The following CLASP1 variants were observed in gnomAD, a reference collection of about 807,000 sequenced individuals.
CLASP1 encodes the protein cytoplasmic linker associated protein 1, also known as CLIP-associating protein 1.
CLASP1 carries 38 observed loss-of-function variants against 192.3 expected under a neutral mutation model. The observed-to-expected ratio is 0.20, with a 90% CI of 0.15 to 0.26. CLASP1 has a LOEUF of 0.26. Among genes scored for constraint, CLASP1 ranks in the 10% least tolerant of loss-of-function variants. CLASP1 has a pLI of 1.00. For synonymous variants in CLASP1, 691 were observed against 712.8 expected, an observed-to-expected ratio of 0.97 and a Z score of 0.49; for missense variants, 1,433 against 1,932.5, an observed-to-expected ratio of 0.74 and a Z score of 4.85.
At chr2:121,502,365 C>G (rs2093782544) in intron 8 of CLASP1, among the ~76,000 whole-genome samples, 2 of 152,164 alleles carry the variant, frequency 1.3e-5, no homozygotes, top group Non-Finnish European at 2.9e-5. Flanking sequence ...AAAACTCAAA[C>G]AGGGTGAGGG....
At chr2:121,407,372 T>A in intron 25 of CLASP1, 99 bp downstream of exon 26, 1 of 1,327,966 alleles carries the variant, frequency 7.5e-7, no homozygotes, top group Non-Finnish European at 1.0e-6. Flanking sequence ...CCATTAATTA[T>A]AGGAATTAGA....
chr2:121,338,791 C>G (rs540847537), exon 40 of CLASP1: 1 of 152,280 alleles, frequency 6.6e-6, no homozygotes, highest in South Asian at 2.1e-4. Flanking sequence ...ACACTGGGGA[C>G]TGGGGTACCT....
chr2:121,608,099 C>T (rs1001844921), intron 1 of CLASP1, among the ~76,000 whole-genome samples: 1 of 152,226 alleles, frequency 6.6e-6, no homozygotes, highest in Admixed American at 6.5e-5. Context: ...CCCTCCTTCA[C>T]AACAAAGAGC....
intron 9 of CLASP1, among the ~76,000 whole-genome samples, chr2:121,468,589 T>C (rs927743851): frequency 2.0e-5 from 3 of 152,194 alleles, no homozygotes; most frequent in Non-Finnish European, 4.4e-5. Context: ...CTGGTGTTGA[T>C]GTACAGGAAT....
intron 2 of CLASP1, chr2:121,531,053 T>A (rs1004171347): frequency 5.7e-6 from 4 of 697,630 alleles, no homozygotes. Context: ...CAGCAGTAAT[T>A]CGTAAATAAA....
chr2:121,591,113 G>T (rs775362523), intron 2 of CLASP1, among the ~76,000 whole-genome samples: 1 of 152,030 alleles, frequency 6.6e-6, no homozygotes, highest in Non-Finnish European at 1.5e-5. Context: ...TGATCCGCCC[G>T]CTTCGGCCTC....
exon 9 of CLASP1, chr2:121,469,914 G>C: frequency 6.2e-7 from 1 of 1,613,570 alleles, no homozygotes; most frequent in Non-Finnish European, 8.5e-7. Flanking sequence ...AACTAGCAGA[G>C]GAAGGTCTGT....
chr2:121,483,485 T>C (rs1450352701), intron 8 of CLASP1, among the ~76,000 whole-genome samples: 2 of 151,786 alleles, frequency 1.3e-5, no homozygotes. Flanking sequence ...TATGTATGTA[T>C]ATATATATGT....
At chr2:121,555,096 A>T (rs573675178) in intron 2 of CLASP1, among the ~76,000 whole-genome samples, 1 of 152,354 alleles carries the variant, frequency 6.6e-6, no homozygotes, top group African/African-American at 2.4e-5. Context: ...GTGCAGACCC[A>T]GAGTCCTAAT....
chr2:121,448,998 A>C (rs758386970), exon 17 of CLASP1: 20 of 1,613,854 alleles, frequency 1.2e-5, no homozygotes, highest in Non-Finnish European at 1.7e-5. Context: ...TGACTGAGGC[A>C]GAGACACTAT....
chr2:121,377,390 A>C, intron 34 of CLASP1, 109 bp downstream of exon 35: 1 of 758,918 alleles, frequency 1.3e-6, no homozygotes, highest in South Asian at 2.1e-5. Context: ...TTTTAACTAC[A>C]GGATAAAAAT....
intron 8 of CLASP1, chr2:121,470,574 C>T (rs2090529940): frequency 2.4e-6 from 1 of 420,638 alleles, no homozygotes; most frequent in African/African-American, 2.1e-5. Flanking sequence ...AAGTGAAACA[C>T]TCTTATTGTT....
At chr2:121,373,311 C>A (rs201345406) in intron 34 of CLASP1, among the ~76,000 whole-genome samples, 1 of 152,200 alleles carries the variant, frequency 6.6e-6, no homozygotes, top group Admixed American at 6.5e-5. Context: ...GAGGCCTCCC[C>A]AGCCAGGCCT....
Position 121,391,092 on chromosome 2 carries a change from C to T in CLASP1, c.3124-3186G>A, listed in dbSNP as rs538090686. On this transcript the variant is annotated intron_variant, in intron 30 of 39. Coordinates refer to ENST00000263710, the Ensembl canonical transcript of CLASP1. ...ATAAAACACACCACAACACAAACGT[C>T]GACACAGGCACACATACACACGCTC... Among the ~76,000 whole-genome samples the T allele has an allele frequency of 2.2e-3, 341 of 152,260 alleles. 1 individual carries two copies. Among genetic ancestry groups the T allele is most frequent in the African/African-American group, 6.6e-3 (276 of 41,548 alleles).
At chr2:121,503,074 A>C in intron 8 of CLASP1, 93 bp downstream of exon 8, 1 of 789,528 alleles carries the variant, frequency 1.3e-6, no homozygotes, top group Non-Finnish European at 2.1e-6. Context: ...AGAAACTCTT[A>C]CTAAATTACC....
At chr2:121,389,824 C>T (rs1238170942) in intron 30 of CLASP1, among the ~76,000 whole-genome samples, 1 of 152,052 alleles carries the variant, frequency 6.6e-6, no homozygotes, top group East Asian at 1.9e-4. Flanking sequence ...AAAATAAGAT[C>T]CAAGTTCTAG....
chr2:121,461,809 T>C (rs796341474), intron 10 of CLASP1, among the ~76,000 whole-genome samples: 3 of 152,280 alleles, frequency 2.0e-5, no homozygotes, highest in African/African-American at 7.2e-5. Context: ...ATCTCCCGAA[T>C]AGCTAGAACT....
chr2:121,387,687 T>G, intron 31 of CLASP1, 76 bp downstream of exon 32: 1 of 1,417,322 alleles, frequency 7.1e-7, no homozygotes. Context: ...GGTATTCTAT[T>G]AGAGTAGGTT....
chr2:121,491,492 T>C (rs1281945655), intron 8 of CLASP1, among the ~76,000 whole-genome samples: 2 of 152,248 alleles, frequency 1.3e-5, no homozygotes, highest in African/African-American at 4.8e-5. Context: ...GAGTAGTCCA[T>C]AATTACTGGG....
Sources: allele counts gnomAD v4.1 joint callset (sites outside exome capture counted in the v4.1 genomes callset), GRCh38; gene constraint gnomAD v4.1.1; transcripts MANE v1.5; gene names NCBI Gene and HGNC (gene_info 2026-07-23, HGNC 2026-07-21).